IFI27L1: variants seen among roughly 807,000 people sequenced by gnomAD.
IFI27L1 encodes the protein interferon alpha-inducible protein 27-like protein 1.
In IFI27L1, 3 loss-of-function variants were observed where a neutral mutation model predicts 9.2. The observed-to-expected ratio is 0.32, with a 90% CI of 0.15 to 0.84. The LOEUF (loss-of-function observed/expected upper bound fraction) is 0.84. IFI27L1 is among the 40% of genes least tolerant of loss of function. IFI27L1 has a pLI of 0.56. For missense variants in IFI27L1, 133 were observed against 134.2 expected (o/e 0.99, Z 0.05); for synonymous variants, 53 against 50.0 (o/e 1.06, Z -0.26).
At chr14:94,090,719 A>G (rs930047590) in intron 1 of IFI27L1, among the ~76,000 whole-genome samples, 2 of 152,204 alleles carry the variant, frequency 1.3e-5, no homozygotes, top group Non-Finnish European at 2.9e-5. Flanking sequence ...TATTGGCTCT[A>G]TAAGTCAAGT....
In IFI27L1 at chr14:94,101,673, C is replaced by A. The variant is rs1595399742; in HGVS notation, c.62-141C>A. ...CACTGGCTGCTTTACACGTTGACTG[C>A]CCTTGTTTTGGGATCCCATCCCTGC... On this transcript the variant is annotated intron_variant, in intron 3 of 4. Coordinates refer to ENST00000555523, the MANE Select transcript of IFI27L1 (RefSeq NM_206949.3). The A allele has an allele frequency of 6.7e-6, 5 of 748,836 alleles. No homozygotes were observed. In the East Asian group the frequency reaches 1.3e-4, roughly 20 times the overall value. The allele number at this position is 748,836 out of a possible 1,614,324, so 46.4% of individuals were successfully genotyped here.
rs545975749 is a variant in IFI27L1 at position 94,082,281 on chromosome 14, G to A, written c.-52+832G>A. Among the ~76,000 whole-genome samples, 5 of 151,796 alleles carry A rather than the reference G, an allele frequency of 3.3e-5. No homozygotes were observed. The South Asian group carries it at 1.0e-3, about 31-fold the overall frequency. Reference sequence around the variant, plus strand: ...TATGATGACTGAGAGAGGTGAGGAAGCTATAGAAGTTTGAAGCTAGAAGAG... The same window carrying A: ...TATGATGACTGAGAGAGGTGAGGAAACTATAGAAGTTTGAAGCTAGAAGAG... On this transcript the variant is annotated intron_variant, in intron 1 of 4. Coordinates refer to ENST00000555523, the MANE Select transcript of IFI27L1 (RefSeq NM_206949.3).
chr14:94,093,504 G>A (rs1166877803), intron 1 of IFI27L1, among the ~76,000 whole-genome samples: 2 of 152,070 alleles, frequency 1.3e-5, no homozygotes, highest in African/African-American at 4.8e-5. Context: ...CATTTTGTAT[G>A]GAGAACATCC....
At chr14:94,083,585 C>T (rs1213724665) in intron 1 of IFI27L1, among the ~76,000 whole-genome samples, 1 of 152,150 alleles carries the variant, frequency 6.6e-6, no homozygotes, top group Non-Finnish European at 1.5e-5. Context: ...CAACCACCAC[C>T]CTAATCAATC....
chr14:94,098,768 G>T (rs1886774022), intron 2 of IFI27L1, among the ~76,000 whole-genome samples: 1 of 152,138 alleles, frequency 6.6e-6, no homozygotes, highest in Admixed American at 6.5e-5. Context: ...TGCATGAGAG[G>T]AGTGGTGGTG....
intron 1 of IFI27L1, among the ~76,000 whole-genome samples, chr14:94,093,934 GAGAGGAATAC>G (rs1367745731): frequency 1.3e-5 from 2 of 152,144 alleles, no homozygotes; most frequent in Admixed American, 1.3e-4. Flanking sequence ...AGTCTGCGGA[GAGAGGAATAC>G]AGAAAATTAA....
chr14:94,093,773 T>G (rs989003188), intron 1 of IFI27L1, among the ~76,000 whole-genome samples: 1 of 152,218 alleles, frequency 6.6e-6, no homozygotes, highest in African/African-American at 2.4e-5. Context: ...ATTTGCTTGT[T>G]TCTGTCCTTT....
chr14:94,100,880 C>T (rs1886869933), intron 3 of IFI27L1, 109 bp downstream of exon 3: 3 of 1,244,598 alleles, frequency 2.4e-6, no homozygotes, highest in African/African-American at 2.9e-5. Flanking sequence ...CAAGACATAG[C>T]TGGGTAGCGG....
chr14:94,101,688 C>A, intron 3 of IFI27L1, 126 bp from the exon 4 acceptor site: 2 of 911,310 alleles, frequency 2.2e-6, no homozygotes, highest in Non-Finnish European at 3.3e-6. Flanking sequence ...GTTTTGGGAT[C>A]CCATCCCTGC....
chr14:94,096,285 C>T (rs561698508), intron 1 of IFI27L1, among the ~76,000 whole-genome samples: 2 of 152,342 alleles, frequency 1.3e-5, no homozygotes, highest in East Asian at 3.9e-4. Context: ...TGTACCACAG[C>T]AGCCAGTAGA....
In IFI27L1 at chr14:94,102,608, A is replaced by G. The variant is rs1886946465; in HGVS notation, c.*40A>G. 8.1e-7 allele frequency: 1 copy of G among 1,240,034 alleles called. No individual in the cohort carries two copies. Among genetic ancestry groups the G allele is most frequent in the African/African-American group, 1.5e-5 (1 of 64,680 alleles). The allele number at this position is 1,240,034 out of a possible 1,614,324, so 76.8% of individuals were successfully genotyped here. On this transcript the variant is annotated 3_prime_UTR_variant, in exon 5 of 5. Transcript: ENST00000555523. ...CAGGGAGTTGGCTCTCTTGGTGGAG[A>G]TGACTTTCCTGGGCCTCTGGATGAC... is the stretch of plus-strand genomic sequence containing the variant.
rs929392812 is a variant in IFI27L1, at chr14:94,081,347, T to G, written c.-154T>G. 1 of 152,216 alleles carries G rather than the reference T, an allele frequency of 6.6e-6. No individual in the cohort carries two copies. The highest frequency in any genetic ancestry group is 1.5e-5 in the Non-Finnish European group (1 of 68,050). The allele number at this position is 152,216 out of a possible 1,614,324, so 9.4% of individuals were successfully genotyped here. On this transcript the variant is annotated 5_prime_UTR_variant, in exon 1 of 5. Transcript: ENST00000555523. ...AGAGCTGGCTTGGGGCGCTGGCACC[T>G]CCTCTTACAGCTTTACTCCTGCCAG...
chr14:94,088,611 C>T (rs1029958660), intron 1 of IFI27L1, among the ~76,000 whole-genome samples: 2 of 151,826 alleles, frequency 1.3e-5, no homozygotes, highest in Non-Finnish European at 2.9e-5. Context: ...CTTATAGTCA[C>T]CTAATTCCCT....
At chr14:94,081,738 T>G (rs1285782100) in intron 1 of IFI27L1, among the ~76,000 whole-genome samples, 1 of 152,142 alleles carries the variant, frequency 6.6e-6, no homozygotes, top group East Asian at 1.9e-4. Flanking sequence ...TTGTAATTGT[T>G]TTGGGGCGCC....
At chr14:94,087,237 G>A (rs1039284460) in intron 1 of IFI27L1, among the ~76,000 whole-genome samples, 1 of 152,186 alleles carries the variant, frequency 6.6e-6, no homozygotes. Flanking sequence ...GGTTGGGCAG[G>A]TAGTTTCTGG....
At chr14:94,094,215 G>A (rs1386409938) in intron 1 of IFI27L1, among the ~76,000 whole-genome samples, 8 of 152,130 alleles carry the variant, frequency 5.3e-5, no homozygotes, top group Admixed American at 6.5e-5. Context: ...TTGGCACTAC[G>A]AGGTATTAAC....
At chr14:94,094,107 T>C (rs1886582649) in intron 1 of IFI27L1, among the ~76,000 whole-genome samples, 1 of 152,158 alleles carries the variant, frequency 6.6e-6, no homozygotes, top group African/African-American at 2.4e-5. Context: ...TTGACCAAAC[T>C]TGGGTTTGAG....
intron 1 of IFI27L1, among the ~76,000 whole-genome samples, chr14:94,093,479 A>G (rs1222455821): frequency 6.6e-6 from 1 of 152,068 alleles, no homozygotes; most frequent in Non-Finnish European, 1.5e-5. Context: ...CCCTGACTGC[A>G]TTTCTTATGA....
At chr14:94,088,413 C>T (rs1886354246) in intron 1 of IFI27L1, 1 of 696,584 alleles carries the variant, frequency 1.4e-6, no homozygotes, top group Non-Finnish European at 2.6e-6. Flanking sequence ...TTCTTGGTGG[C>T]CCACTTTTAG....
Sources: allele counts gnomAD v4.1 joint callset (sites outside exome capture counted in the v4.1 genomes callset), GRCh38; gene constraint gnomAD v4.1.1; transcripts MANE v1.5; gene names NCBI Gene and HGNC (gene_info 2026-07-23, HGNC 2026-07-21).